Variants in CALN1 observed in about 807,000 individuals in gnomAD.
CALN1 encodes the protein calcium-binding protein 8.
CALN1 carries 17 observed loss-of-function variants against 30.6 expected under a neutral mutation model. That is an observed-to-expected ratio of 0.56 (90% confidence interval 0.38 to 0.83). CALN1 has a LOEUF of 0.83. CALN1 is among the 40% of genes least tolerant of loss of function. The probability of loss-of-function intolerance (pLI) is 0.00; values close to 1 mark genes in which losing one functional copy is unlikely to be tolerated. For missense variants in CALN1, 291 were observed against 354.9 expected, an observed-to-expected ratio of 0.82 and a Z score of 1.45; for synonymous variants, 156 against 131.4, an observed-to-expected ratio of 1.19 and a Z score of -1.28.
At chr7:72,138,818 T>C (rs372506031) in intron 3 of CALN1, among the ~76,000 whole-genome samples, 6 of 152,232 alleles carry the variant, frequency 3.9e-5, no homozygotes, top group East Asian at 3.9e-4. Context: ...TTCAGAACTG[T>C]CACCATAATG....
At chr7:72,349,297 TG>T (rs1802805866) in intron 2 of CALN1, among the ~76,000 whole-genome samples, 1 of 147,760 alleles carries the variant, frequency 6.8e-6, no homozygotes, top group African/African-American at 2.5e-5. Flanking sequence ...TGTGTGTGTG[TG>T]TGTGTGTGTG....
chr7:72,296,868 C>T lies in CALN1; in HGVS notation c.120-18058G>A, dbSNP rs532525902. ...TGTGTCTCTATTTCCTTCAGTTCTA[C>T]TCTGATTTTAGTTATTTCTTGCCTT... On this transcript the variant is annotated intron_variant, in intron 2 of 6. Transcript: ENST00000395275. Among the ~76,000 whole-genome samples, 7 of 151,502 alleles carry T rather than the reference C, an allele frequency of 4.6e-5. No individual in the cohort carries two copies. The East Asian group carries it at 7.7e-4, about 17-fold the overall frequency.
At chr7:71,862,186 C>T (rs1302245793) in intron 5 of CALN1, among the ~76,000 whole-genome samples, 5 of 152,196 alleles carry the variant, frequency 3.3e-5, no homozygotes, top group Admixed American at 2.0e-4. Flanking sequence ...AAGGCTTACG[C>T]CCCTTTGAAA....
intron 2 of CALN1, among the ~76,000 whole-genome samples, chr7:72,279,401 A>G (rs900624023): frequency 6.6e-6 from 1 of 152,250 alleles, no homozygotes. Flanking sequence ...TGCTGCTTAC[A>G]TGAGTGGTGT....
intron 3 of CALN1, among the ~76,000 whole-genome samples, chr7:72,257,377 G>T (rs1273640516): frequency 6.6e-6 from 1 of 152,082 alleles, no homozygotes; most frequent in Non-Finnish European, 1.5e-5. Context: ...TTTAAAACTT[G>T]CCCAAGGGAA....
intron 5 of CALN1, among the ~76,000 whole-genome samples, chr7:71,977,328 G>A (rs1345484417): frequency 6.6e-6 from 1 of 152,144 alleles, no homozygotes; most frequent in Non-Finnish European, 1.5e-5. Flanking sequence ...CCAGGAACTT[G>A]GGAGGCTGAG....
intron 2 of CALN1, among the ~76,000 whole-genome samples, chr7:72,388,377 AC>A (rs1473813357): frequency 6.6e-6 from 1 of 152,032 alleles, no homozygotes; most frequent in Non-Finnish European, 1.5e-5. Flanking sequence ...TGCAAAAAAA[AC>A]AAACAAAAAA....
the CALN1 span, among the ~76,000 whole-genome samples, chr7:72,460,672 T>C: frequency 2.0e-5 from 3 of 152,190 alleles, no homozygotes; most frequent in Admixed American, 6.6e-5. Flanking sequence ...GAAGTCCTTA[T>C]TGCCACATGA....
At chr7:71,936,830 A>G (rs997911641) in intron 5 of CALN1, among the ~76,000 whole-genome samples, 4 of 151,992 alleles carry the variant, frequency 2.6e-5, no homozygotes, top group Admixed American at 6.6e-5. Flanking sequence ...TGAACCATGG[A>G]GGCAGTTTCC....
At chr7:72,070,006 G>C (rs1433022303) in intron 4 of CALN1, among the ~76,000 whole-genome samples, 1 of 152,084 alleles carries the variant, frequency 6.6e-6, no homozygotes, top group Non-Finnish European at 1.5e-5. Flanking sequence ...AAACTCTATG[G>C]GGCACAGAAG....
chr7:72,121,104 T>C (rs1444216571), intron 3 of CALN1, among the ~76,000 whole-genome samples: 4 of 146,946 alleles, frequency 2.7e-5, no homozygotes, highest in African/African-American at 9.9e-5. Flanking sequence ...TTATATATTA[T>C]ATATAAAATC....
At chr7:71,982,698 A>C (rs1307462540) in intron 5 of CALN1, among the ~76,000 whole-genome samples, 1 of 152,228 alleles carries the variant, frequency 6.6e-6, no homozygotes, top group Non-Finnish European at 1.5e-5. Flanking sequence ...GTTAAGAAGA[A>C]ATGATTTGGG....
At chr7:72,430,109 C>T (rs1807926670) in intron 1 of CALN1, among the ~76,000 whole-genome samples, 1 of 150,860 alleles carries the variant, frequency 6.6e-6, no homozygotes, top group African/African-American at 2.4e-5. Flanking sequence ...GTGTGAGCCA[C>T]CGCCCGGCCT....
intron 2 of CALN1, among the ~76,000 whole-genome samples, chr7:72,331,628 T>C (rs1217244249): frequency 1.3e-5 from 2 of 152,210 alleles, no homozygotes; most frequent in Non-Finnish European, 2.9e-5. Context: ...TTTTTTCTAA[T>C]AGTCACAGAA....
At chr7:72,124,161 AGCTGAGCG>A (rs967911177) in intron 3 of CALN1, among the ~76,000 whole-genome samples, 3 of 152,176 alleles carry the variant, frequency 2.0e-5, no homozygotes, top group African/African-American at 7.2e-5. Flanking sequence ...TCCAGGAGGA[AGCTGAGCG>A]GCTCATGTCC....
chr7:71,811,682 T>TC (rs1787966821), intron 5 of CALN1, among the ~76,000 whole-genome samples: 1 of 64,088 alleles, frequency 1.6e-5, no homozygotes, highest in African/African-American at 8.6e-5. Flanking sequence ...TTTTCTTTTT[T>TC]TTTTTTTTTT....
At chr7:72,181,108 CCCAAA>C (rs1789769427) in intron 3 of CALN1, among the ~76,000 whole-genome samples, 1 of 112,548 alleles carries the variant, frequency 8.9e-6, no homozygotes. Context: ...CCCCCCCCCC[CCCAAA>C]AAAAAAAAAA....
intron 1 of CALN1, among the ~76,000 whole-genome samples, chr7:72,418,342 C>T (rs1807490981): frequency 1.3e-5 from 2 of 152,102 alleles, no homozygotes; most frequent in Admixed American, 1.3e-4. Context: ...GTATATGGAC[C>T]ACATTTTCTT....
At chr7:72,071,483 C>T (rs844751) in intron 4 of CALN1, among the ~76,000 whole-genome samples, 4,295 of 150,404 alleles carry the variant, frequency 0.029, 189 homozygotes, top group African/African-American at 0.1. Flanking sequence ...AAAGCAATCA[C>T]ACATACAGGA....
Sources: allele counts gnomAD v4.1 joint callset (sites outside exome capture counted in the v4.1 genomes callset), GRCh38; gene constraint gnomAD v4.1.1; transcripts MANE v1.5; gene names NCBI Gene and HGNC (gene_info 2026-07-23, HGNC 2026-07-21).